NMNAT3: variants seen among roughly 807,000 people sequenced by gnomAD.
NMNAT3 encodes the protein nicotinamide/nicotinic acid mononucleotide adenylyltransferase 3.
NMNAT3 carries 21 observed loss-of-function variants against 24.8 expected under a neutral mutation model. The ratio of observed to expected loss-of-function variants is 0.85; its 90% CI spans 0.60 to 1.22. NMNAT3 has a LOEUF of 1.22. NMNAT3 is among the 50% of genes most tolerant of loss of function. The pLI, the probability that NMNAT3 is intolerant of heterozygous loss-of-function variation, is 0.00. For synonymous variants in NMNAT3, 136 were observed against 155.2 expected (o/e 0.88, Z 0.92); for missense variants, 387 against 436.6 (o/e 0.89, Z 1.01).
intron 5 of NMNAT3, chr3:139,575,665 T>A: frequency 3.9e-6 from 4 of 1,031,306 alleles, no homozygotes; most frequent in Non-Finnish European, 3.5e-6. Context: ...TTACTTCCAA[T>A]ACAACATGCA....
At chr3:139,601,093 G>T (rs1414410087) in intron 3 of NMNAT3, among the ~76,000 whole-genome samples, 1 of 152,206 alleles carries the variant, frequency 6.6e-6, no homozygotes, top group Non-Finnish European at 1.5e-5. Flanking sequence ...AGGACAGGTT[G>T]TAATCAGGCA....
intron 3 of NMNAT3, among the ~76,000 whole-genome samples, chr3:139,590,229 A>G (rs780913687): frequency 1.3e-5 from 2 of 152,240 alleles, no homozygotes; most frequent in African/African-American, 2.4e-5. Flanking sequence ...AAATACATGA[A>G]CAATTACTAA....
intron 3 of NMNAT3, among the ~76,000 whole-genome samples, chr3:139,619,958 T>A (rs1024136063): frequency 3.3e-5 from 5 of 152,210 alleles, no homozygotes; most frequent in Non-Finnish European, 5.9e-5. Context: ...CAATAATTTT[T>A]AAATACCATC....
chr3:139,560,773 A>G lies in NMNAT3; in HGVS notation c.*237T>C. 2.0e-6 allele frequency: 1 copy of G among 511,978 alleles called. No individual in the cohort carries two copies. The highest frequency in any genetic ancestry group is 3.5e-6 in the Non-Finnish European group (1 of 288,320). The allele number at this position is 511,978 out of a possible 1,614,324, so 31.7% of individuals were successfully genotyped here. ...TGAGAGATTCTGCCTAATCCTAATG[A>G]CCTGCCACACCATTTTAACTTCTTT... On this transcript the variant is annotated 3_prime_UTR_variant, in exon 7 of 7. Transcript: ENST00000643695.
intron 3 of NMNAT3, among the ~76,000 whole-genome samples, chr3:139,601,134 T>C (rs1457794420): frequency 1.3e-5 from 2 of 152,220 alleles, no homozygotes; most frequent in East Asian, 3.9e-4. Context: ...CTGCTCCTGC[T>C]GAAGGCAAGC....
At chr3:139,650,617 C>T (rs1462146550) in intron 1 of NMNAT3, among the ~76,000 whole-genome samples, 2 of 152,154 alleles carry the variant, frequency 1.3e-5, no homozygotes, top group Non-Finnish European at 2.9e-5. Flanking sequence ...TGTGACAGTG[C>T]TTTATAAACC....
intron 3 of NMNAT3, among the ~76,000 whole-genome samples, chr3:139,601,888 G>A (rs1269936735): frequency 6.6e-6 from 1 of 152,208 alleles, no homozygotes. Flanking sequence ...GGTAACCTAA[G>A]AAAGGTAAAG....
intron 1 of NMNAT3, among the ~76,000 whole-genome samples, chr3:139,670,157 G>C (rs1270958235): frequency 6.6e-6 from 1 of 152,152 alleles, no homozygotes; most frequent in African/African-American, 2.4e-5. Context: ...TGTGGACTTG[G>C]TTATCTTCAG....
chr3:139,563,661 A>T (rs940816746), intron 6 of NMNAT3, among the ~76,000 whole-genome samples: 1 of 152,160 alleles, frequency 6.6e-6, no homozygotes, highest in Non-Finnish European at 1.5e-5. Flanking sequence ...CGACAATACC[A>T]TGTGATAGAT....
intron 5 of NMNAT3, among the ~76,000 whole-genome samples, chr3:139,576,861 G>A (rs1939386815): frequency 1.3e-5 from 2 of 152,128 alleles, no homozygotes. Context: ...TTGGAGACCA[G>A]CCTGGCCAAC....
chr3:139,589,999 C>T (rs983341122), intron 3 of NMNAT3, among the ~76,000 whole-genome samples: 1 of 152,082 alleles, frequency 6.6e-6, no homozygotes, highest in Admixed American at 6.5e-5. Context: ...CACAGAGAAT[C>T]CCCAGGGAGA....
At position 139,675,135 on chromosome 3, in the gene NMNAT3, T is replaced by C. The variant is rs201452755; in HGVS notation, c.-141+2570A>G. ...CTTACCTTCGTATTCCTTTTAAACA[T>C]ACACACACACACACACACACACACA... On this transcript the variant is annotated intron_variant, in intron 1 of 6. Transcript: ENST00000643695. Among the ~76,000 whole-genome samples the C allele has an allele frequency of 1.5e-4, 22 of 148,348 alleles. 1 individual carries two copies. The highest frequency in any genetic ancestry group is 6.0e-4 in the East Asian group (3 of 4,992).
intron 1 of NMNAT3, among the ~76,000 whole-genome samples, chr3:139,653,772 C>A (rs1432139720): frequency 1.3e-5 from 2 of 152,230 alleles, no homozygotes; most frequent in Non-Finnish European, 2.9e-5. Flanking sequence ...GCTGCCTAGA[C>A]TTTCTTCCCC....
intron 1 of NMNAT3, among the ~76,000 whole-genome samples, chr3:139,655,100 T>G (rs2057193876): frequency 6.6e-6 from 1 of 152,020 alleles, no homozygotes; most frequent in Non-Finnish European, 1.5e-5. Context: ...GGTAAATGAG[T>G]TGGGAAGAGA....
At chr3:139,598,468 A>G (rs1176477697) in intron 3 of NMNAT3, among the ~76,000 whole-genome samples, 1 of 152,176 alleles carries the variant, frequency 6.6e-6, no homozygotes, top group Non-Finnish European at 1.5e-5. Flanking sequence ...GCCTACTCAG[A>G]AAGACCCCAC....
intron 1 of NMNAT3, among the ~76,000 whole-genome samples, chr3:139,659,223 T>C (rs1187360529): frequency 6.6e-6 from 1 of 152,216 alleles, no homozygotes; most frequent in African/African-American, 2.4e-5. Flanking sequence ...GGCTATTCTG[T>C]AACACAGTTG....
intron 1 of NMNAT3, among the ~76,000 whole-genome samples, chr3:139,664,013 C>A (rs1328798737): frequency 1.3e-5 from 2 of 152,152 alleles, no homozygotes; most frequent in Non-Finnish European, 2.9e-5. Flanking sequence ...GGATTAAGGT[C>A]TCTTTGTGCA....
At chr3:139,666,436 A>G (rs1436893443) in intron 1 of NMNAT3, among the ~76,000 whole-genome samples, 3 of 152,192 alleles carry the variant, frequency 2.0e-5, no homozygotes, top group Non-Finnish European at 4.4e-5. Context: ...TCAGCCACTG[A>G]GTGAGAAAGC....
chr3:139,623,648 A>G (rs1187949727), intron 3 of NMNAT3, among the ~76,000 whole-genome samples: 3 of 152,124 alleles, frequency 2.0e-5, no homozygotes, highest in African/African-American at 4.8e-5. Context: ...CAGTAGCTCA[A>G]TCTCAGCTCA....
Sources: allele counts gnomAD v4.1 joint callset (sites outside exome capture counted in the v4.1 genomes callset), GRCh38; gene constraint gnomAD v4.1.1; transcripts MANE v1.5; gene names NCBI Gene and HGNC (gene_info 2026-07-23, HGNC 2026-07-21).